Variants in PCDH11Y observed in about 807,000 individuals in gnomAD.
PCDH11Y encodes protocadherin-11 Y-linked.
For synonymous variants in PCDH11Y, 9 were observed against 83.6 expected (o/e 0.11, Z 4.87); for missense variants, 12 against 224.8 (o/e 0.05, Z 6.05).
At chrY:5,728,765 C>T (rs2053600893) in intron 4 of PCDH11Y, among the ~76,000 whole-genome samples, 3 of 32,362 alleles carry the variant, frequency 9.3e-5, no homozygotes, top group Middle Eastern at 0.014. Context: ...AGTTGTTCAA[C>T]GCTTTCTCCC....
intron 2 of PCDH11Y, among the ~76,000 whole-genome samples, chrY:5,416,622 C>T (rs1602922475): frequency 3.1e-5 from 1 of 32,469 alleles, no homozygotes; most frequent in East Asian, 8.3e-4. Flanking sequence ...GGTCTTCATA[C>T]GAATACCACA....
intron 3 of PCDH11Y, among the ~76,000 whole-genome samples, chrY:5,566,948 T>C (rs2124695924): frequency 3.1e-5 from 1 of 32,666 alleles, no homozygotes; most frequent in African/African-American, 1.2e-4. Context: ...GTGAAAATTC[T>C]GTCAGTTGTC....
intron 4 of PCDH11Y, among the ~76,000 whole-genome samples, chrY:5,624,317 T>C (rs2053504102): frequency 3.1e-5 from 1 of 31,875 alleles, no homozygotes; most frequent in Admixed American, 2.9e-4. Flanking sequence ...AGTTGTTTTT[T>C]TTCTTTTTTC....
At chrY:5,711,797 A>C in intron 4 of PCDH11Y, among the ~76,000 whole-genome samples, 1 of 33,316 alleles carries the variant, frequency 3.0e-5, no homozygotes, top group African/African-American at 1.2e-4. Context: ...CTCAGAAAAC[A>C]ACAACAACGA....
intron 3 of PCDH11Y, chrY:5,574,283 G>C: frequency 2.9e-6 from 1 of 342,076 alleles, no homozygotes; most frequent in Non-Finnish European, 4.2e-6. Context: ...ACCTACCGCC[G>C]CCTGCTGGAA....
chrY:5,669,233 A>T, intron 4 of PCDH11Y, among the ~76,000 whole-genome samples: 1 of 32,223 alleles, frequency 3.1e-5, no homozygotes, highest in Admixed American at 2.9e-4. Flanking sequence ...AAACTAGAGT[A>T]ATCCTACAGT....
intron 2 of PCDH11Y, among the ~76,000 whole-genome samples, chrY:5,237,495 C>T (rs2052976780): frequency 3.1e-5 from 1 of 32,742 alleles, no homozygotes; most frequent in Admixed American, 2.8e-4. Context: ...GGAAGCATTC[C>T]CTTTGAAAAC....
intron 1 of PCDH11Y, among the ~76,000 whole-genome samples, chrY:5,060,241 A>G (rs2052671659): frequency 3.1e-5 from 1 of 32,318 alleles, no homozygotes; most frequent in Non-Finnish European, 7.5e-5. Context: ...TTCAAATAGC[A>G]AAGGGAGAGA....
chrY:5,291,743 T>C, intron 2 of PCDH11Y, among the ~76,000 whole-genome samples: 1 of 33,650 alleles, frequency 3.0e-5, no homozygotes, highest in Admixed American at 2.7e-4. Context: ...ATGTCCTTTA[T>C]TTCCTTCTCT....
At chrY:5,571,542 T>C (rs2053439321) in intron 3 of PCDH11Y, among the ~76,000 whole-genome samples, 2 of 29,684 alleles carry the variant, frequency 6.7e-5, no homozygotes, top group African/African-American at 2.6e-4. Context: ...TAAGTACTTC[T>C]CAAATGAAAT....
At chrY:5,570,165 T>C in intron 3 of PCDH11Y, among the ~76,000 whole-genome samples, 1 of 33,134 alleles carries the variant, frequency 3.0e-5, no homozygotes, top group Non-Finnish European at 7.5e-5. Flanking sequence ...ACTGATAAAA[T>C]AAGTTCCTCA....
At chrY:5,638,752 G>C in intron 4 of PCDH11Y, among the ~76,000 whole-genome samples, 4 of 31,192 alleles carry the variant, frequency 1.3e-4, no homozygotes, top group African/African-American at 3.8e-4. Flanking sequence ...TAACCTATCT[G>C]TTCTAATTAG....
intron 2 of PCDH11Y, among the ~76,000 whole-genome samples, chrY:5,344,678 T>A (rs2124669468): frequency 2.7e-4 from 9 of 33,083 alleles, no homozygotes; most frequent in Admixed American, 2.2e-3. Context: ...CTTTTATTTT[T>A]TTTTTTTGGA....
intron 2 of PCDH11Y, among the ~76,000 whole-genome samples, chrY:5,168,533 C>T (rs2052882817): frequency 1.5e-4 from 1 of 6,887 alleles, no homozygotes; most frequent in Non-Finnish European, 2.8e-4. Context: ...TCTAAGTCTT[C>T]GTAGACATCA....
At chrY:5,369,609 T>C (rs2053185562) in intron 2 of PCDH11Y, among the ~76,000 whole-genome samples, 1 of 32,264 alleles carries the variant, frequency 3.1e-5, no homozygotes, top group African/African-American at 1.2e-4. Flanking sequence ...ATGTCATTAG[T>C]AGTAGACTTT....
At chrY:5,727,960 G>A in intron 4 of PCDH11Y, among the ~76,000 whole-genome samples, 1 of 32,333 alleles carries the variant, frequency 3.1e-5, no homozygotes, top group Non-Finnish European at 7.6e-5. Flanking sequence ...GGCGATCACC[G>A]GTATGTTTTT....
intron 4 of PCDH11Y, among the ~76,000 whole-genome samples, chrY:5,656,529 C>A: frequency 6.7e-5 from 2 of 29,963 alleles, no homozygotes; most frequent in African/African-American, 2.6e-4. Context: ...ATTTTCCCCC[C>A]CAAAAGTGAA....
At chrY:5,000,325 G>T in exon 1 of PCDH11Y, 1 of 30,313 alleles carries the variant, frequency 3.3e-5, no homozygotes, top group Non-Finnish European at 8.0e-5. Flanking sequence ...GGCGGGAGGA[G>T]CCGTGAGCAG....
intron 2 of PCDH11Y, among the ~76,000 whole-genome samples, chrY:5,347,724 T>C (rs2124669890): frequency 1.2e-4 from 4 of 33,356 alleles, no homozygotes; most frequent in South Asian, 1.3e-3. Context: ...TCTTTGATTT[T>C]CTCTGCCTAG....
Sources: gnomAD v4.1 joint callset for allele counts (sites outside exome capture counted in the v4.1 genomes callset) on GRCh38, gnomAD v4.1.1 for gene constraint, MANE v1.5 for transcripts, NCBI Gene and HGNC (gene_info 2026-07-23, HGNC 2026-07-21) for gene names.